Variants in FMN2 observed in about 807,000 individuals in gnomAD.
The protein encoded by FMN2 is formin 2.
A neutral mutation model predicts 142.3 loss-of-function variants in FMN2; 51 were observed. The observed-to-expected ratio is 0.36, with a 90% CI of 0.29 to 0.45. FMN2 has a LOEUF of 0.45. Among genes scored for constraint, FMN2 ranks in the 20% least tolerant of loss-of-function variants. The pLI is 1.00. For missense variants in FMN2, 1,936 were observed against 2,122.8 expected, an observed-to-expected ratio of 0.91 and a Z score of 1.73; for synonymous variants, 882 against 869.8, an observed-to-expected ratio of 1.01 and a Z score of -0.25.
chr1:240,121,366 A>AT (rs963209477), intron 1 of FMN2, among the ~76,000 whole-genome samples: 7 of 146,374 alleles, frequency 4.8e-5, no homozygotes, highest in African/African-American at 7.7e-5. Flanking sequence ...CCAGTGTCTT[A>AT]TTTTTTTTAT....
chr1:240,211,362 G>T, intron 6 of FMN2, 127 bp downstream of exon 6: 1 of 845,296 alleles, frequency 1.2e-6, no homozygotes, highest in Non-Finnish European at 1.8e-6. Context: ...AGACAGCAAG[G>T]GTTAGAACTT....
chr1:240,137,984 G>T (rs1350772161), intron 2 of FMN2, among the ~76,000 whole-genome samples: 1 of 147,382 alleles, frequency 6.8e-6, no homozygotes, highest in African/African-American at 2.5e-5. Flanking sequence ...AGAATCCCTT[G>T]AATCCGGGAG....
chr1:240,264,180 G>A (rs1330446685), intron 7 of FMN2, among the ~76,000 whole-genome samples: 1 of 152,072 alleles, frequency 6.6e-6, no homozygotes, highest in Non-Finnish European at 1.5e-5. Flanking sequence ...TGAGATCTCA[G>A]TGTTAATTAT....
At chr1:240,352,925 G>T (rs374265925) in intron 13 of FMN2, among the ~76,000 whole-genome samples, 2 of 152,176 alleles carry the variant, frequency 1.3e-5, no homozygotes, top group South Asian at 2.1e-4. Context: ...CTGACAAGCA[G>T]TCAGCTACTT....
rs769895830 is a variant in FMN2 at position 240,207,119 on chromosome 1, C to T, written c.2307C>T (p.Cys769=). 5 of 1,613,916 alleles carry T rather than the reference C, an allele frequency of 3.1e-6. No individual in the cohort carries two copies. The highest frequency in any genetic ancestry group is 4.5e-5 in the East Asian group (2 of 44,884). The part of the protein sequence containing the change: ...PVDGLPGRPP[C]PPGAESGPQT... ...ATGGGCTGCCAGGGCGTCCTCCATG[C>T]CCCCCTGGGGCTGAAAGTGGACCTC... The change falls in exon 5 of 18, where the codon TGC becomes TGT. Residue 769 remains cysteine, a synonymous_variant. Coordinates refer to ENST00000319653, the MANE Select transcript of FMN2 (RefSeq NM_020066.5).
intron 15 of FMN2, among the ~76,000 whole-genome samples, chr1:240,425,170 A>T (rs1472122653): frequency 6.8e-6 from 1 of 147,918 alleles, no homozygotes; most frequent in Admixed American, 6.8e-5. Flanking sequence ...TTGGCTTCTC[A>T]TGAGGATCTC....
At chr1:240,466,096 T>C (rs1007645220) in intron 16 of FMN2, among the ~76,000 whole-genome samples, 14 of 152,158 alleles carry the variant, frequency 9.2e-5, no homozygotes, top group Admixed American at 6.5e-5. Context: ...GAGGCCAAAA[T>C]GGGAGAAACT....
intron 6 of FMN2, among the ~76,000 whole-genome samples, chr1:240,252,083 A>G (rs1668295556): frequency 6.6e-6 from 1 of 151,850 alleles, no homozygotes; most frequent in Non-Finnish European, 1.5e-5. Context: ...TGATTTTTGT[A>G]TTTTTAGTAG....
chr1:240,432,429 T>C lies in FMN2; in HGVS notation c.4911-5632T>C, dbSNP rs1262571990. The stretch of plus-strand genomic sequence containing the variant: ...TCTGGGTAGGGGTTTATCAATTTTA[T>C]TAAGCTTTTCAATAAACCAACTTCT... On this transcript the variant is annotated intron_variant, in intron 15 of 17. Coordinates refer to ENST00000319653, the MANE Select transcript of FMN2 (RefSeq NM_020066.5). 5.9e-5 allele frequency among the ~76,000 whole-genome samples: 9 copies of C among 151,988 alleles called. No individual in the cohort carries two copies. The East Asian group carries it at 1.7e-3, about 29-fold the overall frequency.
At chr1:240,425,573 G>A (rs1674914000) in intron 15 of FMN2, among the ~76,000 whole-genome samples, 1 of 152,070 alleles carries the variant, frequency 6.6e-6, no homozygotes, top group African/African-American at 2.4e-5. Flanking sequence ...ATATGCTTCT[G>A]GTTGTCGTAG....
intron 4 of FMN2, among the ~76,000 whole-genome samples, chr1:240,196,138 G>A (rs952806618): frequency 1.3e-5 from 2 of 152,176 alleles, no homozygotes; most frequent in Non-Finnish European, 2.9e-5. Context: ...GATTTAAAAC[G>A]TTTTATGCTC....
In FMN2 at chr1:240,092,802, G is replaced by A. The variant is rs1319470375; in HGVS notation, c.693G>A (p.Glu231=). 9 of 1,586,146 alleles carry A rather than the reference G, an allele frequency of 5.7e-6. No individual in the cohort carries two copies. Among genetic ancestry groups the A allele is most frequent in the Non-Finnish European group, 7.7e-6 (9 of 1,166,954 alleles). ...AGCAGCAGCTCCAGGGCGCCGAGGA[G>A]CCTGCAGCGCCCCCCACTGCCGTCT... is the stretch of plus-strand genomic sequence containing the variant. The part of the protein sequence containing the change: ...QQQQQLQGAE[E]PAAPPTAVSP... Residue 231 remains glutamate (E), a synonymous_variant, in exon 1 of 18, where the codon GAG becomes GAA. Transcript: ENST00000319653.
chr1:240,122,955 T>C (rs1444656512), intron 1 of FMN2, among the ~76,000 whole-genome samples: 1 of 152,050 alleles, frequency 6.6e-6, no homozygotes. Flanking sequence ...GCAGGAGGTA[T>C]TTAGGGGGAT....
At chr1:240,375,863 A>G (rs1673024770) in intron 14 of FMN2, among the ~76,000 whole-genome samples, 1 of 152,192 alleles carries the variant, frequency 6.6e-6, no homozygotes, top group Non-Finnish European at 1.5e-5. Context: ...TTTATCAGTT[A>G]GTAAGAAGGC....
intron 3 of FMN2, among the ~76,000 whole-genome samples, chr1:240,181,534 G>A (rs1335083701): frequency 6.6e-6 from 1 of 152,192 alleles, no homozygotes; most frequent in Non-Finnish European, 1.5e-5. Flanking sequence ...CCATGGTGAG[G>A]TCTTGGTGCC....
chr1:240,419,810 C>A (rs954614013), intron 15 of FMN2, among the ~76,000 whole-genome samples: 1 of 152,098 alleles, frequency 6.6e-6, no homozygotes, highest in Non-Finnish European at 1.5e-5. Context: ...TGGCTCAGTT[C>A]TGGGAACTGA....
chr1:240,178,788 G>C (rs968285932), intron 3 of FMN2, among the ~76,000 whole-genome samples: 10 of 152,108 alleles, frequency 6.6e-5, no homozygotes, highest in Non-Finnish European at 1.3e-4. Context: ...GACTGACCAG[G>C]CATAAATATT....
At chr1:240,131,454 A>G (rs549345852) in intron 2 of FMN2, among the ~76,000 whole-genome samples, 116 of 152,268 alleles carry the variant, frequency 7.6e-4, no homozygotes, top group African/African-American at 2.3e-3. Flanking sequence ...CACGCCTGTA[A>G]TCCCAGCACT....
At chr1:240,408,601 A>G (rs1358105954) in intron 15 of FMN2, among the ~76,000 whole-genome samples, 1 of 152,122 alleles carries the variant, frequency 6.6e-6, no homozygotes, top group East Asian at 1.9e-4. Flanking sequence ...GCATTCAATG[A>G]TGGTTGAAAG....
Sources: gnomAD v4.1 joint callset for allele counts (sites outside exome capture counted in the v4.1 genomes callset) on GRCh38, gnomAD v4.1.1 for gene constraint, MANE v1.5 for transcripts, NCBI Gene and HGNC (gene_info 2026-07-23, HGNC 2026-07-21) for gene names.